The following CEP83 variants were observed in gnomAD, a reference collection of about 807,000 sequenced individuals.
The protein encoded by CEP83 is centrosomal protein of 83 kDa.
In CEP83, 70 loss-of-function variants were observed where a neutral mutation model predicts 101.9. That is an observed-to-expected ratio of 0.69 (90% CI 0.57 to 0.84). CEP83 has a LOEUF of 0.84. Ranked by LOEUF, CEP83 falls within the 40% of genes least tolerant of loss-of-function variation. The pLI, the probability that CEP83 is intolerant of heterozygous loss-of-function variation, is 0.00. For missense variants in CEP83, 715 were observed against 787.2 expected (o/e 0.91, Z 1.10); for synonymous variants, 264 against 267.9 (o/e 0.99, Z 0.14).
chr12:94,430,088 C>T (rs1170277922), intron 2 of CEP83, among the ~76,000 whole-genome samples: 1 of 152,068 alleles, frequency 6.6e-6, no homozygotes, highest in Non-Finnish European at 1.5e-5. Context: ...TGGCCTCACC[C>T]ACCCCCCATG....
At chr12:94,304,183 A>G, downstream of CEP83, 1 of 625,372 alleles carries the variant, frequency 1.6e-6, no homozygotes, top group East Asian at 2.8e-5. Flanking sequence ...CCTGTCTGAG[A>G]TGGGGGATCC....
In CEP83 at chr12:94,411,785, G is replaced by C. The variant is rs928177600; in HGVS notation, c.236C>G (p.Thr79Ser). ...CAGGAGCTGAAGTTTTTCCTGCTGA[G>C]TTTGCTTTTCATTAAACAGGTGCTT... ...ELKHLFNEKQTQQEKLQLLLE... is the reference protein window; with the variant it reads ...ELKHLFNEKQSQQEKLQLLLE... The change falls in exon 4 of 17, where the codon ACT (threonine) becomes AGT (serine). Residue 79 changes from threonine to serine, a missense_variant. Physicochemically the swap from Thr to Ser is moderately conservative, Grantham distance 58. Coordinates refer to ENST00000397809, the MANE Select transcript of CEP83 (RefSeq NM_016122.3). 1 of 1,612,464 alleles carries C rather than the reference G, an allele frequency of 6.2e-7. No individual in the cohort carries two copies. Among genetic ancestry groups the C allele is most frequent in the Non-Finnish European group, 8.5e-7 (1 of 1,179,042 alleles).
chr12:94,407,060 G>A (rs895999194), intron 4 of CEP83, among the ~76,000 whole-genome samples: 87 of 152,006 alleles, frequency 5.7e-4, no homozygotes, highest in African/African-American at 2.1e-3. Context: ...TGAAAACATG[G>A]CAACAGAAAC....
chr12:94,367,565 G>A (rs1452475613), intron 11 of CEP83, among the ~76,000 whole-genome samples: 5 of 152,066 alleles, frequency 3.3e-5, no homozygotes, highest in Non-Finnish European at 7.4e-5. Context: ...GGGACAACTG[G>A]TAAAATTTAA....
chr12:94,445,854 T>C (rs922947214), intron 1 of CEP83, among the ~76,000 whole-genome samples: 2 of 152,242 alleles, frequency 1.3e-5, no homozygotes, highest in African/African-American at 4.8e-5. Context: ...CAATGGAATG[T>C]CATCCTGTCC....
At chr12:94,374,588 A>G (rs1005990038) in intron 8 of CEP83, among the ~76,000 whole-genome samples, 1 of 152,144 alleles carries the variant, frequency 6.6e-6, no homozygotes, top group African/African-American at 2.4e-5. Context: ...GAGGCAATCA[A>G]ATTATTTCCT....
intron 14 of CEP83, among the ~76,000 whole-genome samples, chr12:94,320,176 C>G (rs1971405331): frequency 6.6e-6 from 1 of 152,100 alleles, no homozygotes; most frequent in African/African-American, 2.4e-5. Context: ...TGGCATTTTT[C>G]TGATTTCCAT....
chr12:94,434,738 A>G (rs187087401), intron 2 of CEP83, among the ~76,000 whole-genome samples: 10 of 152,232 alleles, frequency 6.6e-5, no homozygotes, highest in Non-Finnish European at 1.5e-4. Flanking sequence ...GCAAGTCTAA[A>G]CATAAAATTC....
intron 2 of CEP83, chr12:94,423,896 G>A (rs905456957): frequency 1.1e-4 from 181 of 1,611,110 alleles, no homozygotes; most frequent in African/African-American, 1.1e-4. Flanking sequence ...AGCTGCAGCC[G>A]TCAGCATATA....
At chr12:94,393,044 G>A (rs1423748004) in intron 6 of CEP83, among the ~76,000 whole-genome samples, 1 of 152,094 alleles carries the variant, frequency 6.6e-6, no homozygotes, top group Non-Finnish European at 1.5e-5. Flanking sequence ...TTCTACCAGA[G>A]GTACAAAGAG....
chr12:94,351,470 G>T (rs2060195442), intron 11 of CEP83, among the ~76,000 whole-genome samples: 1 of 152,102 alleles, frequency 6.6e-6, no homozygotes, highest in Non-Finnish European at 1.5e-5. Flanking sequence ...TATCTGAAGG[G>T]TCCCACTGTA....
chr12:94,270,913 G>A, the CEP83 span, among the ~76,000 whole-genome samples: 1 of 152,126 alleles, frequency 6.6e-6, no homozygotes, highest in Non-Finnish European at 1.5e-5. Context: ...GAAGAGGGGA[G>A]GCTGGATGGG....
chr12:94,384,394 G>C (rs1465353858), intron 6 of CEP83, among the ~76,000 whole-genome samples: 1 of 151,872 alleles, frequency 6.6e-6, no homozygotes, highest in Non-Finnish European at 1.5e-5. Context: ...ACCTGACTAT[G>C]GTATCTCTTG....
chr12:94,353,113 A>C (rs552951931), intron 11 of CEP83, among the ~76,000 whole-genome samples: 47 of 152,306 alleles, frequency 3.1e-4, no homozygotes, highest in Middle Eastern at 3.4e-3. Flanking sequence ...GCATCAAGTC[A>C]TATATAAGAA....
intron 1 of CEP83, among the ~76,000 whole-genome samples, chr12:94,449,410 A>C (rs1333336362): frequency 6.6e-6 from 1 of 152,158 alleles, no homozygotes; most frequent in Admixed American, 6.6e-5. Flanking sequence ...ACATATACCC[A>C]AAATTCCTTA....
downstream of CEP83, chr12:94,304,082 T>G: frequency 7.7e-7 from 1 of 1,303,128 alleles, no homozygotes; most frequent in Non-Finnish European, 1.1e-6. Flanking sequence ...GTTTTTAACC[T>G]TTGAATCAGG....
At chr12:94,386,266 A>C (rs1237834268) in intron 6 of CEP83, among the ~76,000 whole-genome samples, 1 of 152,204 alleles carries the variant, frequency 6.6e-6, no homozygotes, top group East Asian at 1.9e-4. Context: ...ACTATGCATT[A>C]AGAGTATCTT....
In CEP83 at chr12:94,438,116, G is replaced by A. The variant is rs571470972; in HGVS notation, c.-154-2789C>T. Among the ~76,000 whole-genome samples the A allele has an allele frequency of 2.0e-5, 3 of 152,164 alleles. No homozygotes were observed. The East Asian group carries it at 5.8e-4, about 29-fold the overall frequency. On this transcript the variant is annotated intron_variant, in intron 1 of 16. Transcript: ENST00000397809. ...TGCCTGTAAACCCAGCTACTCGGGAGGCAGAGGCACGAGAATCGCTTGAAC... is the reference window on the plus strand; with the variant it reads ...TGCCTGTAAACCCAGCTACTCGGGAAGCAGAGGCACGAGAATCGCTTGAAC...
chr12:94,423,693 T>C (rs2064959891), intron 2 of CEP83: 8 of 1,594,932 alleles, frequency 5.0e-6, no homozygotes, highest in Non-Finnish European at 6.8e-6. Context: ...AGCATGAGTA[T>C]CTCCAAGAAT....
Sources: allele counts gnomAD v4.1 joint callset (sites outside exome capture counted in the v4.1 genomes callset), GRCh38; gene constraint gnomAD v4.1.1; transcripts MANE v1.5; gene names NCBI Gene and HGNC (gene_info 2026-07-23, HGNC 2026-07-21).